The following HSD17B12 variants were observed in gnomAD, a reference collection of about 807,000 sequenced individuals.
HSD17B12 encodes the protein very-long-chain 3-oxoacyl-CoA reductase.
In HSD17B12, 32 loss-of-function variants were observed where a neutral mutation model predicts 39.3. That is an observed-to-expected ratio of 0.81 (90% CI 0.61 to 1.09). The LOEUF (loss-of-function observed/expected upper bound fraction) is 1.09. Ranked by LOEUF, HSD17B12 falls within the 50% of genes least tolerant of loss-of-function variation. HSD17B12 has a pLI of 0.00. For synonymous variants in HSD17B12, 150 were observed against 146.7 expected, an observed-to-expected ratio of 1.02 and a Z score of -0.16; for missense variants, 342 against 382.9, an observed-to-expected ratio of 0.89 and a Z score of 0.89.
At chr11:43,649,944 A>G in the HSD17B12 span, among the ~76,000 whole-genome samples, 1 of 152,222 alleles carries the variant, frequency 6.6e-6, no homozygotes, top group Non-Finnish European at 1.5e-5. Flanking sequence ...AAGAGCACCA[A>G]GGAAGAGGCC....
At chr11:43,776,313 G>T (rs112000114) in intron 3 of HSD17B12, among the ~76,000 whole-genome samples, 17,275 of 151,976 alleles carry the variant, frequency 0.11, 1,176 homozygotes, top group Middle Eastern at 0.18. Context: ...GGTGTGAGAT[G>T]GTATCTCATT....
intron 3 of HSD17B12, among the ~76,000 whole-genome samples, chr11:43,778,119 T>A (rs998458852): frequency 8.7e-4 from 132 of 151,130 alleles, no homozygotes; most frequent in African/African-American, 3.1e-3. Context: ...GAGAGAAGAA[T>A]CAAATAGACA....
chr11:43,619,245 A>AAT, the HSD17B12 span, among the ~76,000 whole-genome samples: 27,322 of 67,664 alleles, frequency 0.4, 4,628 homozygotes, highest in Middle Eastern at 0.43. Flanking sequence ...ATATATATAA[A>AAT]ATATATATAT....
chr11:43,749,368 G>A (rs754661758), intron 1 of HSD17B12, among the ~76,000 whole-genome samples: 9 of 152,130 alleles, frequency 5.9e-5, no homozygotes, highest in Non-Finnish European at 1.2e-4. Flanking sequence ...AGAATTTATA[G>A]TGATTACATA....
intron 4 of HSD17B12, among the ~76,000 whole-genome samples, chr11:43,813,643 G>A (rs1394420940): frequency 6.6e-6 from 1 of 152,192 alleles, no homozygotes. Flanking sequence ...TTAAAGCAAA[G>A]TCAAGTGAAC....
chr11:43,711,995 C>T (rs888836447), intron 1 of HSD17B12, among the ~76,000 whole-genome samples: 1 of 152,182 alleles, frequency 6.6e-6, no homozygotes, highest in Non-Finnish European at 1.5e-5. Context: ...AAGACTGACT[C>T]AGGCCATGAA....
the HSD17B12 span, among the ~76,000 whole-genome samples, chr11:43,631,719 G>A: frequency 1.3e-5 from 2 of 150,938 alleles, no homozygotes; most frequent in South Asian, 4.2e-4. Context: ...TGTAAGAATT[G>A]TTCTCCATTA....
At chr11:43,561,731 C>T in the HSD17B12 span, among the ~76,000 whole-genome samples, 1 of 151,786 alleles carries the variant, frequency 6.6e-6, no homozygotes, top group Admixed American at 6.6e-5. Flanking sequence ...ACTGACAGTA[C>T]CTAGAAAGAA....
chr11:43,755,399 T>C (rs988766088), intron 3 of HSD17B12: 1 of 152,472 alleles, frequency 6.6e-6, no homozygotes, highest in Non-Finnish European at 1.5e-5. Context: ...ATGGGTGTGA[T>C]GCATGCAAGA....
chr11:43,563,905 A>G, the HSD17B12 span, among the ~76,000 whole-genome samples: 1 of 152,068 alleles, frequency 6.6e-6, no homozygotes, highest in Non-Finnish European at 1.5e-5. Context: ...TTTTACTGCA[A>G]TACATTCTTT....
At chr11:43,622,877 TA>T in the HSD17B12 span, among the ~76,000 whole-genome samples, 1,474 of 151,586 alleles carry the variant, frequency 9.7e-3, 23 homozygotes, top group African/African-American at 0.035. Context: ...AAGGGCTTAT[TA>T]AAAAAAAATT....
rs938827352 is a variant in HSD17B12, at chr11:43,702,518, G to A, written c.160+21531G>A. 3.3e-5 allele frequency among the ~76,000 whole-genome samples: 5 copies of A among 152,106 alleles called. No individual in the cohort carries two copies. In the South Asian group the frequency reaches 6.2e-4, roughly 19 times the overall value. On this transcript the variant is annotated intron_variant, in intron 1 of 10. Transcript: ENST00000278353. ...GTTTTTTGAAGGTTTTTGTCATGAA[G>A]GGATATTTAATTTTATCAAATGCTT...
intron 1 of HSD17B12, among the ~76,000 whole-genome samples, chr11:43,682,873 C>T (rs1949762855): frequency 6.6e-6 from 1 of 151,582 alleles, no homozygotes; most frequent in African/African-American, 2.4e-5. Context: ...CCAACTGCAG[C>T]CTCGAACTCT....
the HSD17B12 span, among the ~76,000 whole-genome samples, chr11:43,568,415 G>GT: frequency 2.0e-4 from 30 of 151,626 alleles, no homozygotes; most frequent in South Asian, 6.2e-4. Flanking sequence ...CTGTTTGTTT[G>GT]TTTTTTTTTT....
chr11:43,845,386 A>G (rs747256427), intron 9 of HSD17B12, among the ~76,000 whole-genome samples: 1 of 152,156 alleles, frequency 6.6e-6, no homozygotes. Context: ...CCAATTTTTG[A>G]TCTTACAATA....
intron 3 of HSD17B12, among the ~76,000 whole-genome samples, chr11:43,780,768 C>T (rs955830991): frequency 5.3e-5 from 8 of 152,142 alleles, no homozygotes; most frequent in African/African-American, 1.7e-4. Flanking sequence ...TTTATGACTT[C>T]GTGCCTTTGG....
rs569990430 is a variant in HSD17B12 at position 43,702,161 on chromosome 11, G to A, written c.160+21174G>A. On this transcript the variant is annotated intron_variant, in intron 1 of 10. Coordinates refer to ENST00000278353, the MANE Select transcript of HSD17B12 (RefSeq NM_016142.3). ...GCATATAGAAATGCTACTTATTTTC[G>A]TATTTTGATTTTGTGTCTGCAACTT... Among the ~76,000 whole-genome samples, 21 of 152,084 alleles carry A rather than the reference G, an allele frequency of 1.4e-4. 1 individual carries two copies. Among genetic ancestry groups the A allele is most frequent in the African/African-American group, 4.3e-4 (18 of 41,504 alleles).
chr11:43,583,101 C>G, the HSD17B12 span, among the ~76,000 whole-genome samples: 1 of 152,272 alleles, frequency 6.6e-6, no homozygotes, highest in African/African-American at 2.4e-5. Context: ...CCTCCTCTTC[C>G]CAGCCAGAAA....
intron 6 of HSD17B12, among the ~76,000 whole-genome samples, chr11:43,817,477 C>T (rs531471485): frequency 6.6e-6 from 1 of 152,218 alleles, no homozygotes; most frequent in South Asian, 2.1e-4. Flanking sequence ...TTTATAGTTT[C>T]AGGTCCTAAA....
Sources: allele counts gnomAD v4.1 joint callset (sites outside exome capture counted in the v4.1 genomes callset), GRCh38; gene constraint gnomAD v4.1.1; transcripts MANE v1.5; gene names NCBI Gene and HGNC (gene_info 2026-07-23, HGNC 2026-07-21).